Variants in DENND1C observed in about 807,000 individuals in gnomAD.
The protein encoded by DENND1C is DENN domain-containing protein 1C.
Under a neutral mutation model 87.9 loss-of-function variants are expected in DENND1C, and 64 were observed. The observed-to-expected ratio is 0.73, with a 90% CI of 0.60 to 0.90. The LOEUF (loss-of-function observed/expected upper bound fraction) is 0.90. Among genes scored for constraint, DENND1C ranks in the 40% least tolerant of loss-of-function variants. The probability of loss-of-function intolerance (pLI) is 0.00; values close to 1 mark genes in which losing one functional copy is unlikely to be tolerated. For missense variants in DENND1C, 980 were observed against 1,037.0 expected (o/e 0.95, Z 0.76); for synonymous variants, 384 against 424.4 (o/e 0.90, Z 1.17).
chr19:6,468,605 T>A lies in DENND1C; in HGVS notation c.1556A>T (p.Glu519Val). The A allele has an allele frequency of 6.6e-7, 1 of 1,514,256 alleles. No individual in the cohort carries two copies. Among genetic ancestry groups the A allele is most frequent in the Non-Finnish European group, 8.8e-7 (1 of 1,134,746 alleles). The allele number at this position is 1,514,256 out of a possible 1,614,324, so 93.8% of individuals were successfully genotyped here. Reference sequence around the variant, plus strand: ...CGCCCCTGGGGGCTCGGAAGTTCCCTCTTCCAGCTGGCGTCTCCTGCTGGG... The same window carrying A: ...CGCCCCTGGGGGCTCGGAAGTTCCCACTTCCAGCTGGCGTCTCCTGCTGGG... ...LRPSRRRQLE[E>V]GTSEPPGAGT... The change falls in exon 21 of 23, where the codon GAG becomes GTG. Residue 519 changes from glutamate to valine, a missense_variant. Transcript: ENST00000381480.
chr19:6,468,262 CTG>C lies in DENND1C; in HGVS notation c.1761_1762del (p.His587GlnfsTer21). ...GCTGAAGCAGCTGTCCAGGTCTCCT[CTG>C]TGACAGCAGTCTAAACTCTGGCTCG... On this transcript the variant is annotated frameshift_variant, in exon 22 of 23. Coordinates refer to ENST00000381480, the MANE Select transcript of DENND1C (RefSeq NM_024898.4). LOFTEE classifies it low-confidence loss of function (END_TRUNC). 6.2e-7 allele frequency: 1 copy of C among 1,613,484 alleles called. No homozygotes were observed. Among genetic ancestry groups the C allele is most frequent in the Non-Finnish European group, 8.5e-7 (1 of 1,179,636 alleles).
At chr19:6,474,245 T>C (rs2092846488) in intron 14 of DENND1C, among the ~76,000 whole-genome samples, 1 of 143,052 alleles carries the variant, frequency 7.0e-6, no homozygotes, top group South Asian at 2.3e-4. Flanking sequence ...TGCGGGGGAG[T>C]CCCAGTTTTT....
In DENND1C at chr19:6,471,470, G is replaced by A. The variant is rs1026184643; in HGVS notation, c.1185C>T (p.Leu395=). 6.3e-7 allele frequency: 1 copy of A among 1,575,018 alleles called. No individual in the cohort carries two copies. The highest frequency in any genetic ancestry group is 8.6e-7 in the Non-Finnish European group (1 of 1,160,048). The change falls in exon 16 of 23, where the codon CTC becomes CTT. Residue 395 remains leucine (L), a synonymous_variant. Transcript: ENST00000381480. The part of the protein sequence containing the change: ...KQFIEARLEK[L]NKGEGFSDQF... ...GATCTGAGAAGCCCTCCCCCTTGTT[G>A]AGCTTCTCCAGCCGGGCTTCGATGA...
intron 9 of DENND1C, 26 bp from the exon 10 acceptor site, chr19:6,476,993 C>A (rs951516349): frequency 6.2e-7 from 1 of 1,613,492 alleles, no homozygotes; most frequent in Non-Finnish European, 8.5e-7. Flanking sequence ...TCGCTCTGGG[C>A]GTGGACGGGC....
At chr19:6,469,861 G>A (rs576504325) in intron 18 of DENND1C, 3 of 569,242 alleles carry the variant, frequency 5.3e-6, no homozygotes, top group Non-Finnish European at 9.4e-6. Context: ...AAAGAAAATG[G>A]GGAGTGGCAA....
chr19:6,480,787 T>C (rs1913521818), intron 1 of DENND1C, among the ~76,000 whole-genome samples: 1 of 151,916 alleles, frequency 6.6e-6, no homozygotes, highest in Non-Finnish European at 1.5e-5. Context: ...ATATTTTTAG[T>C]AGAGACAGGG....
chr19:6,470,211 A>T, intron 18 of DENND1C, 84 bp downstream of exon 18: 1 of 1,388,698 alleles, frequency 7.2e-7, no homozygotes, highest in South Asian at 1.2e-5. Context: ...GGGTCAAAAT[A>T]CTCCATCCTT....
chr19:6,470,648 G>T (rs200658598), intron 17 of DENND1C, among the ~76,000 whole-genome samples: 78 of 122,528 alleles, frequency 6.4e-4, no homozygotes, highest in Non-Finnish European at 9.4e-4. Context: ...CTGAGATGCA[G>T]TCTTGCTCTG....
At chr19:6,474,512 T>C (rs1182111335) in intron 14 of DENND1C, among the ~76,000 whole-genome samples, 1 of 152,194 alleles carries the variant, frequency 6.6e-6, no homozygotes, top group East Asian at 1.9e-4. Flanking sequence ...TTTCCTCATA[T>C]GGAAAATGGG....
chr19:6,475,238 C>T (rs1435455872), intron 14 of DENND1C, 36 bp downstream of exon 14: 2 of 1,610,394 alleles, frequency 1.2e-6, no homozygotes, highest in Non-Finnish European at 1.7e-6. Context: ...ATTCAGGAAC[C>T]CACGAGACCT....
intron 10 of DENND1C, chr19:6,476,566 C>A (rs916598163): frequency 2.7e-6 from 1 of 367,136 alleles, no homozygotes; most frequent in South Asian, 4.0e-5. Context: ...TGTATAAGTC[C>A]CTAGTTCTCA....
At chr19:6,473,837 G>A (rs1191348987) in intron 14 of DENND1C, among the ~76,000 whole-genome samples, 1 of 151,780 alleles carries the variant, frequency 6.6e-6, no homozygotes, top group African/African-American at 2.4e-5. Context: ...GATCTGACTC[G>A]GGTGTTCACA....
intron 1 of DENND1C, among the ~76,000 whole-genome samples, chr19:6,480,779 A>AT (rs1256504201): frequency 1.3e-5 from 2 of 151,488 alleles, no homozygotes; most frequent in African/African-American, 4.9e-5. Flanking sequence ...TAATTTTCAT[A>AT]TTTTTAGTAG....
intron 14 of DENND1C, 82 bp downstream of exon 14, chr19:6,475,192 C>T (rs966081676): frequency 1.3e-5 from 21 of 1,591,388 alleles, no homozygotes; most frequent in East Asian, 2.2e-5. Context: ...CCACTGCGTC[C>T]GGCCATCTAC....
At chr19:6,470,630 T>G (rs1420331165) in intron 17 of DENND1C, among the ~76,000 whole-genome samples, 3 of 146,980 alleles carry the variant, frequency 2.0e-5, no homozygotes, top group Admixed American at 2.0e-4. Context: ...GTTTTTTTTT[T>G]TTTTTTGCTG....
In DENND1C at chr19:6,477,410, A is replaced by C. The variant is rs749236648; in HGVS notation, c.415T>G (p.Ser139Ala). The change falls in exon 7 of 23, where the codon TCT becomes GCT. Residue 139 changes from serine to alanine, a missense_variant. Ser to Ala is a moderately conservative substitution (Grantham distance 99, BLOSUM62 1). Coordinates refer to ENST00000381480, the MANE Select transcript of DENND1C (RefSeq NM_024898.4). The stretch of plus-strand genomic sequence containing the variant: ...AGCCCCACTGAGGCCTGGGGCCCAG[A>C]CAGGGACTGCTGAAACAGATTTTGA... Reference protein sequence around the residue: ...LLQNLFQQSLSGPQASVGLEL... With the variant: ...LLQNLFQQSLAGPQASVGLEL... 1 of 1,613,440 alleles carries C rather than the reference A, an allele frequency of 6.2e-7. No individual in the cohort carries two copies. Among genetic ancestry groups the C allele is most frequent in the South Asian group, 1.1e-5 (1 of 91,054 alleles).
chr19:6,476,385 G>A (rs1249067599), intron 10 of DENND1C: 1 of 181,986 alleles, frequency 5.5e-6, no homozygotes, highest in African/African-American at 2.4e-5. Context: ...CAGTCTCCAC[G>A]TCTGCCTTTG....
chr19:6,478,897 G>A lies in DENND1C; in HGVS notation c.296+40C>T, dbSNP rs761490015. On this transcript the variant is annotated intron_variant, in intron 5 of 22. Transcript: ENST00000381480. ...GTTCCACGAAGTGTCCCTAGGCCTC[G>A]GCCTTTCCCATCCCCCCCTCCAACC... 85 of 1,613,754 alleles carry A rather than the reference G, an allele frequency of 5.3e-5. 1 individual carries two copies. The East Asian group carries it at 1.2e-3, about 23-fold the overall frequency.
chr19:6,480,990 G>T (rs1003820784), intron 1 of DENND1C, among the ~76,000 whole-genome samples: 3 of 151,898 alleles, frequency 2.0e-5, no homozygotes, highest in African/African-American at 7.3e-5. Flanking sequence ...AGCTGTGAGT[G>T]TCACTGGGTA....
Sources: gnomAD v4.1 joint callset for allele counts (sites outside exome capture counted in the v4.1 genomes callset) on GRCh38, gnomAD v4.1.1 for gene constraint, MANE v1.5 for transcripts, NCBI Gene and HGNC (gene_info 2026-07-23, HGNC 2026-07-21) for gene names.